The following CXCL13 variants were observed in gnomAD, a reference collection of about 807,000 sequenced individuals.
The protein encoded by CXCL13 is C-X-C motif chemokine ligand 13.
CXCL13 carries 7 observed loss-of-function variants against 12.2 expected under a neutral mutation model. The observed-to-expected ratio is 0.57, with a 90% CI of 0.33 to 1.07. The LOEUF is 1.07. Among genes scored for constraint, CXCL13 ranks in the 50% least tolerant of loss-of-function variants. The pLI, the probability that CXCL13 is intolerant of heterozygous loss-of-function variation, is 0.04. For missense variants in CXCL13, 113 were observed against 127.4 expected, an observed-to-expected ratio of 0.89 and a Z score of 0.55; for synonymous variants, 47 against 42.4, an observed-to-expected ratio of 1.11 and a Z score of -0.42.
At chr4:77,557,865 A>G (rs1361744209) in intron 1 of CXCL13, among the ~76,000 whole-genome samples, 2 of 152,196 alleles carry the variant, frequency 1.3e-5, no homozygotes, top group African/African-American at 4.8e-5. Flanking sequence ...TCACCCTGGT[A>G]TGTGTACTTC....
At chr4:77,588,450 T>C (rs1406345707) in intron 1 of CXCL13, among the ~76,000 whole-genome samples, 5 of 152,234 alleles carry the variant, frequency 3.3e-5, no homozygotes, top group African/African-American at 4.8e-5. Flanking sequence ...TTCAGTGTCA[T>C]TGCTGCCTTC....
At chr4:77,603,609 A>C (rs569037618), upstream of CXCL13, among the ~76,000 whole-genome samples, 2 of 152,234 alleles carry the variant, frequency 1.3e-5, no homozygotes, top group African/African-American at 2.4e-5. Flanking sequence ...ACTGTTATCA[A>C]TTCAAAGAAA....
At chr4:77,562,950 G>A (rs1029591290) in intron 1 of CXCL13, among the ~76,000 whole-genome samples, 4 of 152,172 alleles carry the variant, frequency 2.6e-5, no homozygotes, top group Non-Finnish European at 5.9e-5. Flanking sequence ...GCCAGAGCCA[G>A]CAGTGGCAAC....
At chr4:77,608,183 G>A (rs1336875895) in intron 2 of CXCL13, among the ~76,000 whole-genome samples, 1 of 152,182 alleles carries the variant, frequency 6.6e-6, no homozygotes, top group African/African-American at 2.4e-5. Context: ...GCTCACGCCT[G>A]TAATCCCAGC....
In CXCL13 at chr4:77,586,479, T is replaced by C. The variant is rs138082687; in HGVS notation, c.-42-19345T>C. ...TATCTCTTGCCAGGTCAGCTGAATATGAACTTAAAGGGACCTAACAAAACA... is the reference window on the plus strand; with the variant it reads ...TATCTCTTGCCAGGTCAGCTGAATACGAACTTAAAGGGACCTAACAAAACA... On this transcript the variant is annotated intron_variant, in intron 1 of 4. Transcript: ENST00000286758. 6.8e-4 allele frequency among the ~76,000 whole-genome samples: 104 copies of C among 152,256 alleles called. 2 individuals carry two copies. The South Asian group carries it at 7.0e-3, about 10-fold the overall frequency.
At chr4:77,543,125 T>C (rs187362342) in intron 1 of CXCL13, among the ~76,000 whole-genome samples, 1 of 152,312 alleles carries the variant, frequency 6.6e-6, no homozygotes, top group Admixed American at 6.5e-5. Context: ...ACACATTTCT[T>C]CCATATTTTC....
At chr4:77,570,250 A>C (rs185011500) in intron 1 of CXCL13, among the ~76,000 whole-genome samples, 76 of 152,382 alleles carry the variant, frequency 5.0e-4, no homozygotes, top group Non-Finnish European at 9.0e-4. Flanking sequence ...TTGCAACAAA[A>C]GCAAAAATTG....
intron 1 of CXCL13, among the ~76,000 whole-genome samples, chr4:77,571,724 G>A (rs1204972628): frequency 6.6e-6 from 1 of 151,808 alleles, no homozygotes; most frequent in Non-Finnish European, 1.5e-5. Context: ...GGCTGCCGGA[G>A]CCAGCAGTGG....
At chr4:77,563,146 C>A (rs1013360437) in intron 1 of CXCL13, among the ~76,000 whole-genome samples, 1 of 152,130 alleles carries the variant, frequency 6.6e-6, no homozygotes, top group African/African-American at 2.4e-5. Context: ...GCTCCAAACA[C>A]GTCAGAACAT....
At chr4:77,517,178 G>A (rs1425843674) in intron 1 of CXCL13, among the ~76,000 whole-genome samples, 1 of 152,088 alleles carries the variant, frequency 6.6e-6, no homozygotes, top group East Asian at 1.9e-4. Context: ...GAGATAGTTT[G>A]TTATAATGTC....
chr4:77,548,803 A>G (rs181715667), intron 1 of CXCL13, among the ~76,000 whole-genome samples: 3 of 152,188 alleles, frequency 2.0e-5, no homozygotes, highest in Non-Finnish European at 2.9e-5. Flanking sequence ...GAATCTGACA[A>G]TTATGTGTCT....
Position 77,541,743 on chromosome 4 carries a change from T to C in CXCL13, c.-43+29955T>C, listed in dbSNP as rs1725211127. On this transcript the variant is annotated intron_variant, in intron 1 of 4. Transcript: ENST00000286758. ...TGAAGTTTAGAGTAGTTTTTTCTAGTTCTGTGAAAAATTAAATTGGTAGCT... is the reference window on the plus strand; with the variant it reads ...TGAAGTTTAGAGTAGTTTTTTCTAGCTCTGTGAAAAATTAAATTGGTAGCT... Among the ~76,000 whole-genome samples, 3 of 152,204 alleles carry C rather than the reference T, an allele frequency of 2.0e-5. No individual in the cohort carries two copies. In the South Asian group the frequency reaches 6.2e-4, roughly 31 times the overall value.
intron 1 of CXCL13, among the ~76,000 whole-genome samples, chr4:77,556,532 A>G (rs529798690): frequency 6.6e-6 from 1 of 152,348 alleles, no homozygotes; most frequent in African/African-American, 2.4e-5. Context: ...TGGTAGGTGC[A>G]CAAATGTATA....
At chr4:77,561,668 T>G (rs1052312305) in intron 1 of CXCL13, among the ~76,000 whole-genome samples, 1 of 152,184 alleles carries the variant, frequency 6.6e-6, no homozygotes, top group South Asian at 2.1e-4. Flanking sequence ...CATTCCAGAG[T>G]GCAGGGGCTG....
At chr4:77,559,073 C>T (rs1467807008) in intron 1 of CXCL13, among the ~76,000 whole-genome samples, 1 of 152,210 alleles carries the variant, frequency 6.6e-6, no homozygotes, top group Non-Finnish European at 1.5e-5. Context: ...ACTTCATCAA[C>T]TGTGATTGTT....
chr4:77,610,156 A>G (rs1344934952), intron 2 of CXCL13, among the ~76,000 whole-genome samples: 1 of 151,144 alleles, frequency 6.6e-6, no homozygotes, highest in Non-Finnish European at 1.5e-5. Flanking sequence ...CATGCGTCTC[A>G]TGTGAAATTG....
chr4:77,529,104 T>A lies in CXCL13; in HGVS notation c.-43+17316T>A, dbSNP rs541611649. 3.3e-4 allele frequency among the ~76,000 whole-genome samples: 50 copies of A among 152,340 alleles called. 1 individual carries two copies. The highest frequency in any genetic ancestry group is 1.2e-3 in the African/African-American group (49 of 41,582). On this transcript the variant is annotated intron_variant, in intron 1 of 4. Transcript: ENST00000286758. ...AGATGGTTGTAGATATGTGGTATTA[T>A]TTCTGAGGGCTCTGTTCTATTCCAT... is the stretch of plus-strand genomic sequence containing the variant.
At chr4:77,593,486 C>A (rs891848588) in intron 1 of CXCL13, among the ~76,000 whole-genome samples, 4 of 152,192 alleles carry the variant, frequency 2.6e-5, no homozygotes, top group African/African-American at 9.7e-5. Flanking sequence ...CTGGTCAACT[C>A]ATGTGGCTTT....
chr4:77,588,234 A>G (rs1248489568), intron 1 of CXCL13, among the ~76,000 whole-genome samples: 3 of 152,220 alleles, frequency 2.0e-5, no homozygotes, highest in African/African-American at 7.2e-5. Flanking sequence ...TCTTAGAAAA[A>G]GTTCTAGTGA....
Sources: allele counts gnomAD v4.1 joint callset (sites outside exome capture counted in the v4.1 genomes callset), GRCh38; gene constraint gnomAD v4.1.1; transcripts MANE v1.5; gene names NCBI Gene and HGNC (gene_info 2026-07-23, HGNC 2026-07-21).